NSMCE2: variants seen among roughly 807,000 people sequenced by gnomAD.
NSMCE2 encodes the protein E3 SUMO-protein ligase NSE2.
A neutral mutation model predicts 23.8 loss-of-function variants in NSMCE2; 24 were observed. That is an observed-to-expected ratio of 1.01 (90% CI 0.73 to 1.42). The LOEUF is 1.42. NSMCE2 is among the 40% of genes most tolerant of loss of function. NSMCE2 has a pLI of 0.00. For missense variants in NSMCE2, 284 were observed against 296.5 expected (o/e 0.96, Z 0.31); for synonymous variants, 92 against 94.1 (o/e 0.98, Z 0.13).
intron 5 of NSMCE2, among the ~76,000 whole-genome samples, chr8:125,231,356 T>A (rs191067639): frequency 6.6e-6 from 1 of 152,316 alleles, no homozygotes; most frequent in East Asian, 1.9e-4. Context: ...CTATTGTTCC[T>A]TTTTATTTGG....
intron 5 of NSMCE2, among the ~76,000 whole-genome samples, chr8:125,352,942 GTGGTCTCTTACTCACTCGTGACA>G (rs1813100284): frequency 1.3e-5 from 2 of 152,296 alleles, no homozygotes; most frequent in South Asian, 4.1e-4. Flanking sequence ...CTCTTGGTCT[GTGGTCTCTTACTCACTCGTGACA>G]TTCTTCCCCA....
chr8:125,160,678 G>A (rs986010562), intron 4 of NSMCE2, among the ~76,000 whole-genome samples: 1 of 152,030 alleles, frequency 6.6e-6, no homozygotes, highest in Non-Finnish European at 1.5e-5. Flanking sequence ...GTGATGAGGG[G>A]GTCATTCTAG....
intron 4 of NSMCE2, among the ~76,000 whole-genome samples, chr8:125,167,628 A>G (rs13263406): frequency 0.046 from 6,969 of 152,206 alleles, 222 homozygotes; most frequent in Non-Finnish European, 0.071. Flanking sequence ...AGCAAGACTC[A>G]GTCTCAAAAA....
chr8:125,254,316 C>G (rs1826320650), intron 5 of NSMCE2, among the ~76,000 whole-genome samples: 1 of 152,050 alleles, frequency 6.6e-6, no homozygotes, highest in South Asian at 2.1e-4. Flanking sequence ...TAGTGTGCCA[C>G]AAAACATTTT....
At chr8:125,096,814 T>C (rs151201534) in intron 1 of NSMCE2, among the ~76,000 whole-genome samples, 2 of 152,100 alleles carry the variant, frequency 1.3e-5, no homozygotes, top group African/African-American at 4.8e-5. Flanking sequence ...CTTCACCATG[T>C]TGGCTGGGCT....
At chr8:125,310,562 A>G (rs913726029) in intron 5 of NSMCE2, among the ~76,000 whole-genome samples, 6 of 152,198 alleles carry the variant, frequency 3.9e-5, no homozygotes, top group African/African-American at 1.4e-4. Context: ...GTTTCTCATA[A>G]CTACATTTAA....
intron 5 of NSMCE2, among the ~76,000 whole-genome samples, chr8:125,239,963 A>T (rs1825704930): frequency 6.6e-6 from 1 of 152,108 alleles, no homozygotes; most frequent in African/African-American, 2.4e-5. Context: ...CTTCTTGCTC[A>T]TTGCTGAGGC....
intron 3 of NSMCE2, among the ~76,000 whole-genome samples, chr8:125,135,317 C>G (rs1046185459): frequency 6.6e-6 from 1 of 152,166 alleles, no homozygotes; most frequent in Non-Finnish European, 1.5e-5. Context: ...TCTCAAGTAG[C>G]TGGAATTACA....
At chr8:125,342,780 C>A (rs1293913850) in intron 5 of NSMCE2, among the ~76,000 whole-genome samples, 1 of 152,056 alleles carries the variant, frequency 6.6e-6, no homozygotes, top group Non-Finnish European at 1.5e-5. Context: ...GATGAGTGTT[C>A]CTTACTCTTG....
intron 3 of NSMCE2, among the ~76,000 whole-genome samples, chr8:125,143,138 A>G (rs1348000353): frequency 6.6e-6 from 1 of 152,062 alleles, no homozygotes; most frequent in Non-Finnish European, 1.5e-5. Context: ...AGGTGCATGT[A>G]TAGATGTGTG....
intron 3 of NSMCE2, among the ~76,000 whole-genome samples, chr8:125,126,261 A>G (rs532233391): frequency 6.6e-6 from 1 of 151,854 alleles, no homozygotes; most frequent in East Asian, 1.9e-4. Context: ...GTGGGTGCCT[A>G]CTAAGGAGGC....
At chr8:125,103,991 CTTTT>C (rs72031823) in intron 3 of NSMCE2, among the ~76,000 whole-genome samples, 2 of 118,310 alleles carry the variant, frequency 1.7e-5, no homozygotes, top group Non-Finnish European at 1.9e-5. Flanking sequence ...ATTTTGTTGT[CTTTT>C]TTTTTTTTTT....
intron 5 of NSMCE2, among the ~76,000 whole-genome samples, chr8:125,226,771 G>T (rs756351496): frequency 1.3e-5 from 2 of 152,058 alleles, no homozygotes; most frequent in Non-Finnish European, 2.9e-5. Flanking sequence ...AGAGTAAATT[G>T]GGCAGGGAGA....
intron 5 of NSMCE2, among the ~76,000 whole-genome samples, chr8:125,243,038 A>G (rs1563739513): frequency 6.6e-6 from 1 of 152,202 alleles, no homozygotes. Flanking sequence ...TGGGTAAGCA[A>G]TGTGGAAAAA....
intron 5 of NSMCE2, among the ~76,000 whole-genome samples, chr8:125,197,758 T>C (rs912123725): frequency 2.0e-5 from 3 of 152,362 alleles, no homozygotes; most frequent in African/African-American, 4.8e-5. Context: ...GGGGATGGCA[T>C]TGAATCTATA....
intron 3 of NSMCE2, among the ~76,000 whole-genome samples, chr8:125,108,779 T>C (rs1156609976): frequency 3.3e-5 from 5 of 152,226 alleles, no homozygotes; most frequent in Non-Finnish European, 7.3e-5. Context: ...TCATCAGATA[T>C]GTTGCCAAAA....
intron 4 of NSMCE2, among the ~76,000 whole-genome samples, chr8:125,154,894 C>T (rs147207689): frequency 2.6e-5 from 4 of 152,212 alleles, no homozygotes; most frequent in South Asian, 2.1e-4. Flanking sequence ...TTGCTTTCTA[C>T]GCTTTTATTA....
intron 5 of NSMCE2, chr8:125,351,311 T>C (rs1813022172): frequency 6.6e-6 from 1 of 151,986 alleles, no homozygotes; most frequent in South Asian, 2.1e-4. Flanking sequence ...ACTTCAAACA[T>C]ATCCAGGGTT....
chr8:125,182,407 A>G (rs936370428), intron 5 of NSMCE2, 151 bp downstream of exon 5: 5 of 697,540 alleles, frequency 7.2e-6, no homozygotes, highest in Non-Finnish European at 1.2e-5. Flanking sequence ...GCAATTCTGT[A>G]TTTTGTCTAA....
Sources: gnomAD v4.1 joint callset for allele counts (sites outside exome capture counted in the v4.1 genomes callset) on GRCh38, gnomAD v4.1.1 for gene constraint, MANE v1.5 for transcripts, NCBI Gene and HGNC (gene_info 2026-07-23, HGNC 2026-07-21) for gene names.